ANK1: variants seen among roughly 807,000 people sequenced by gnomAD.
The protein encoded by ANK1 is ankyrin-1.
In ANK1, 51 loss-of-function variants were observed where a neutral mutation model predicts 210.4. That is an observed-to-expected ratio of 0.24 (90% CI 0.19 to 0.31). The LOEUF (loss-of-function observed/expected upper bound fraction) is 0.31, where lower values mean the gene tolerates loss of function less well. Among genes scored for constraint, ANK1 ranks in the 10% least tolerant of loss-of-function variants. The pLI is 1.00. For missense variants in ANK1, 2,051 were observed against 2,504.4 expected, an observed-to-expected ratio of 0.82 and a Z score of 3.86; for synonymous variants, 967 against 1,025.9, an observed-to-expected ratio of 0.94 and a Z score of 1.10.
At chr8:41,673,152 G>A (rs1340672952) in intron 37 of ANK1, among the ~76,000 whole-genome samples, 3 of 152,178 alleles carry the variant, frequency 2.0e-5, no homozygotes, top group Non-Finnish European at 4.4e-5. Flanking sequence ...CAGCCAGGGT[G>A]TGAGGCAGAG....
intron 2 of ANK1, among the ~76,000 whole-genome samples, chr8:41,741,307 C>T (rs1834736807): frequency 6.6e-6 from 1 of 152,216 alleles, no homozygotes; most frequent in Admixed American, 6.5e-5. Context: ...ACCTCCTACA[C>T]ACCTGGCTGT....
intron 1 of ANK1, among the ~76,000 whole-genome samples, chr8:41,872,350 G>T (rs1815700643): frequency 6.6e-6 from 1 of 152,200 alleles, no homozygotes; most frequent in Admixed American, 6.5e-5. Flanking sequence ...TTCCTGCCGG[G>T]CCCTAAGGCG....
At chr8:41,791,119 A>G (rs897461314) in intron 1 of ANK1, among the ~76,000 whole-genome samples, 4 of 150,866 alleles carry the variant, frequency 2.7e-5, no homozygotes, top group Admixed American at 6.6e-5. Flanking sequence ...CCCTCCATCA[A>G]TGGCTGCGCC....
intron 16 of ANK1, among the ~76,000 whole-genome samples, chr8:41,712,349 C>T (rs567442894): frequency 1.3e-5 from 2 of 152,364 alleles, no homozygotes; most frequent in East Asian, 1.9e-4. Context: ...GCAAGGCCAG[C>T]CCCCTGTCCT....
intron 26 of ANK1, among the ~76,000 whole-genome samples, chr8:41,695,565 A>C (rs1356532482): frequency 6.6e-6 from 1 of 152,238 alleles, no homozygotes; most frequent in Admixed American, 6.5e-5. Flanking sequence ...GGGCAGGACC[A>C]GTCTCATTTC....
intron 1 of ANK1, among the ~76,000 whole-genome samples, chr8:41,765,172 TC>T (rs1166863727): frequency 9.6e-4 from 128 of 133,158 alleles, no homozygotes; most frequent in Non-Finnish European, 1.6e-3. Flanking sequence ...TCCTTTCTTT[TC>T]CTTTCTTTCT....
intron 31 of ANK1, among the ~76,000 whole-genome samples, chr8:41,692,382 G>A (rs1376344637): frequency 6.6e-6 from 1 of 152,212 alleles, no homozygotes; most frequent in Admixed American, 6.5e-5. Flanking sequence ...ATAGTCCCTG[G>A]TGCACAAGAC....
chr8:41,801,778 G>C (rs377300459), upstream of ANK1, among the ~76,000 whole-genome samples: 31 of 152,168 alleles, frequency 2.0e-4, no homozygotes, highest in African/African-American at 7.0e-4. Flanking sequence ...TTTCAGTTAT[G>C]TGCATTGAAA....
At chr8:41,657,511 C>T (rs1806171308) in intron 42 of ANK1, among the ~76,000 whole-genome samples, 1 of 152,248 alleles carries the variant, frequency 6.6e-6, no homozygotes, top group Non-Finnish European at 1.5e-5. Flanking sequence ...GCATATTTCC[C>T]TGACTAGATT....
chr8:41,765,531 G>A (rs145554926), intron 1 of ANK1, among the ~76,000 whole-genome samples: 155 of 152,194 alleles, frequency 1.0e-3, no homozygotes, highest in East Asian at 4.8e-3. Flanking sequence ...ACAAGCATGC[G>A]CCACTGTGCT....
At chr8:41,808,616 T>C (rs1018506770) in intron 1 of ANK1, among the ~76,000 whole-genome samples, 7 of 151,952 alleles carry the variant, frequency 4.6e-5, no homozygotes, top group African/African-American at 1.7e-4. Flanking sequence ...AGTGAGTCAA[T>C]ATCGTGCCCA....
At chr8:41,766,561 G>C (rs531420127) in intron 1 of ANK1, among the ~76,000 whole-genome samples, 2 of 152,170 alleles carry the variant, frequency 1.3e-5, no homozygotes, top group Non-Finnish European at 2.9e-5. Flanking sequence ...ACCCGAACTC[G>C]GGACATTGGG....
intron 2 of ANK1, among the ~76,000 whole-genome samples, chr8:41,744,880 C>T (rs1396318044): frequency 1.3e-5 from 2 of 152,158 alleles, no homozygotes; most frequent in Admixed American, 1.3e-4. Flanking sequence ...GCCATATGGC[C>T]ATGAGGCAGC....
chr8:41,674,968 T>C (rs1222632774), intron 37 of ANK1, among the ~76,000 whole-genome samples: 1 of 152,216 alleles, frequency 6.6e-6, no homozygotes, highest in African/African-American at 2.4e-5. Flanking sequence ...ACCAGGGCCA[T>C]GGCCTTCAAA....
intron 1 of ANK1, among the ~76,000 whole-genome samples, chr8:41,805,856 G>A (rs1450186066): frequency 2.0e-5 from 3 of 152,364 alleles, no homozygotes; most frequent in South Asian, 4.1e-4. Flanking sequence ...GTCAGTTGAG[G>A]TATGTGAAGA....
chr8:41,703,655 T>TA lies in ANK1; in HGVS notation c.2295+385dup, dbSNP rs201667438. 3.3e-5 allele frequency among the ~76,000 whole-genome samples: 5 copies of TA among 150,848 alleles called. No individual in the cohort carries two copies. The South Asian group carries it at 6.3e-4, about 19-fold the overall frequency. ...ATACGTATCACCACACCCACATAAT[T>TA]AAAAAAATTTTTTTTTGTAGATTCA... On this transcript the variant is annotated intron_variant, in intron 20 of 42. Coordinates refer to ENST00000289734, the MANE Select transcript of ANK1 (RefSeq NM_000037.4).
chr8:41,655,681 C>T lies in ANK1; in HGVS notation c.*109G>A. 1 of 1,609,382 alleles carries T rather than the reference C, an allele frequency of 6.2e-7. No individual in the cohort carries two copies. Among genetic ancestry groups the T allele is most frequent in the Non-Finnish European group, 8.5e-7 (1 of 1,175,916 alleles). ...GAATGTGTGCACCGCTGCGGTGGCC[C>T]TCAGGTCCAGCTCTCCTCCTGTGTG... On this transcript the variant is annotated 3_prime_UTR_variant, in exon 43 of 43. Transcript: ENST00000289734.
chr8:41,772,858 G>C (rs961735333), intron 1 of ANK1, among the ~76,000 whole-genome samples: 4 of 152,100 alleles, frequency 2.6e-5, no homozygotes, highest in African/African-American at 9.7e-5. Context: ...CACTGATAAG[G>C]GTGGGTACCA....
chr8:41,810,691 T>C (rs2150783159), intron 1 of ANK1, among the ~76,000 whole-genome samples: 1 of 152,320 alleles, frequency 6.6e-6, no homozygotes, highest in East Asian at 1.9e-4. Context: ...AATAGCCCGA[T>C]GGGTTCATCT....
Sources: allele counts gnomAD v4.1 joint callset (sites outside exome capture counted in the v4.1 genomes callset), GRCh38; gene constraint gnomAD v4.1.1; transcripts MANE v1.5; gene names NCBI Gene and HGNC (gene_info 2026-07-23, HGNC 2026-07-21).